CD8B2: variants seen among roughly 807,000 people sequenced by gnomAD.
CD8B2 encodes the protein T-cell surface glycoprotein CD8 beta-2 chain.
Under a neutral mutation model 23.7 loss-of-function variants are expected in CD8B2, and 11 were observed. That is an observed-to-expected ratio of 0.46 (90% CI 0.29 to 0.77). CD8B2 has a LOEUF of 0.77. Among genes scored for constraint, CD8B2 ranks in the 30% least tolerant of loss-of-function variants. The probability of loss-of-function intolerance (pLI) is 0.09; values close to 1 mark genes in which losing one functional copy is unlikely to be tolerated. For missense variants in CD8B2, 197 were observed against 270.5 expected, an observed-to-expected ratio of 0.73 and a Z score of 1.91; for synonymous variants, 90 against 109.3, an observed-to-expected ratio of 0.82 and a Z score of 1.10.
In CD8B2 at chr2:106,507,266, G is replaced by T; in HGVS notation, c.*326G>T. ...TGAGCTGGGACCTTTAGTGGTGGCCGTTTAGCCACCATCTTTGCAAGTTGC... is the reference window on the plus strand; with the variant it reads ...TGAGCTGGGACCTTTAGTGGTGGCCTTTTAGCCACCATCTTTGCAAGTTGC... On this transcript the variant is annotated 3_prime_UTR_variant, in exon 6 of 6. Coordinates refer to ENST00000643224, the MANE Select transcript of CD8B2 (RefSeq NM_001349727.2). The T allele has an allele frequency of 1.8e-6, 2 of 1,134,990 alleles. No homozygotes were observed. The highest frequency in any genetic ancestry group is 2.2e-6 in the Non-Finnish European group (2 of 924,768). 70.3% of individuals were successfully genotyped at this position (1,134,990 alleles called of 1,614,324 possible). A position where few individuals can be genotyped will look rare whatever the true frequency, so the allele number is the denominator to read the frequency against.
intron 5 of CD8B2, among the ~76,000 whole-genome samples, chr2:106,532,812 A>G (rs1421689150): frequency 2.0e-5 from 3 of 152,072 alleles, no homozygotes; most frequent in Non-Finnish European, 4.4e-5. Flanking sequence ...TCTTTACTGC[A>G]ATCTGTTTTA....
intron 2 of CD8B2, among the ~76,000 whole-genome samples, chr2:106,495,659 C>T (rs1175525099): frequency 1.3e-5 from 2 of 152,212 alleles, no homozygotes; most frequent in Non-Finnish European, 2.9e-5. Context: ...ATCCCTAGGC[C>T]CTCACCCCTT....
intron 3 of CD8B2, among the ~76,000 whole-genome samples, chr2:106,501,050 G>T (rs1031884159): frequency 1.3e-5 from 2 of 152,166 alleles, no homozygotes; most frequent in Non-Finnish European, 2.9e-5. Context: ...AGTCAGTGCC[G>T]CCTTTTAGGG....
At position 106,510,220 on chromosome 2, in the gene CD8B2, G is replaced by C. The variant is rs1198111988; in HGVS notation, c.*3280G>C. 6.6e-6 allele frequency: 1 copy of C among 152,216 alleles called. No homozygotes were observed. 9.4% of individuals were successfully genotyped at this position (152,216 alleles called of 1,614,324 possible). On this transcript the variant is annotated 3_prime_UTR_variant, in exon 6 of 6. Transcript: ENST00000643224. ...CCCTTGGTCCAGTGATGGTCATTAGGAGGGAGCATGAGGTTTGAAGGTGAG... is the reference window on the plus strand; with the variant it reads ...CCCTTGGTCCAGTGATGGTCATTAGCAGGGAGCATGAGGTTTGAAGGTGAG...
At chr2:106,536,699 C>T (rs139130189) in intron 5 of CD8B2, among the ~76,000 whole-genome samples, 150 of 152,230 alleles carry the variant, frequency 9.9e-4, no homozygotes, top group Middle Eastern at 6.8e-3. Flanking sequence ...GGTGCAGGTG[C>T]ATCTCAAAGG....
downstream of CD8B2, among the ~76,000 whole-genome samples, chr2:106,514,356 C>T (rs1306631920): frequency 6.7e-6 from 1 of 149,026 alleles, no homozygotes; most frequent in Non-Finnish European, 1.5e-5. Context: ...GGCACGATCT[C>T]AGCTCACTGC....
downstream of CD8B2, among the ~76,000 whole-genome samples, chr2:106,515,185 A>G (rs1679710385): frequency 6.6e-6 from 1 of 152,230 alleles, no homozygotes. Flanking sequence ...TTCTCCCACC[A>G]CAACCCAAGA....
intron 3 of CD8B2, among the ~76,000 whole-genome samples, chr2:106,501,157 A>C (rs1297085825): frequency 6.6e-6 from 1 of 152,136 alleles, no homozygotes; most frequent in East Asian, 1.9e-4. Context: ...CACCTTTGTA[A>C]GGAAATATAC....
intron 3 of CD8B2, among the ~76,000 whole-genome samples, chr2:106,500,581 C>T (rs1457708141): frequency 6.9e-6 from 1 of 145,958 alleles, no homozygotes; most frequent in East Asian, 1.9e-4. Flanking sequence ...ATACCAATAC[C>T]TTTCTTCCTC....
intron 2 of CD8B2, among the ~76,000 whole-genome samples, chr2:106,493,299 A>G (rs1331117906): frequency 1.3e-5 from 2 of 152,142 alleles, no homozygotes; most frequent in Non-Finnish European, 2.9e-5. Context: ...ATGGGCTCGA[A>G]GTTTTATTCC....
At chr2:106,535,581 C>T (rs1181055913) in intron 5 of CD8B2, among the ~76,000 whole-genome samples, 1 of 152,140 alleles carries the variant, frequency 6.6e-6, no homozygotes, top group Admixed American at 6.5e-5. Context: ...CACCGTAATA[C>T]AATTTTAAAA....
intron 5 of CD8B2, among the ~76,000 whole-genome samples, chr2:106,537,428 G>A (rs959326977): frequency 1.3e-5 from 2 of 151,858 alleles, no homozygotes; most frequent in Non-Finnish European, 2.9e-5. Context: ...GAAAATTATG[G>A]TTCAACGCCA....
downstream of CD8B2, among the ~76,000 whole-genome samples, chr2:106,515,042 C>T (rs1679706312): frequency 6.6e-6 from 1 of 152,130 alleles, no homozygotes; most frequent in African/African-American, 2.4e-5. Context: ...AAACAGTCTG[C>T]CTCTCCCAGT....
intron 5 of CD8B2, among the ~76,000 whole-genome samples, chr2:106,520,773 G>A (rs1384169606): frequency 6.6e-6 from 1 of 152,122 alleles, no homozygotes; most frequent in Non-Finnish European, 1.5e-5. Context: ...GGGAGGCTGA[G>A]ACAGGAGAAT....
chr2:106,528,893 T>C (rs1679952338), intron 5 of CD8B2, among the ~76,000 whole-genome samples: 2 of 152,156 alleles, frequency 1.3e-5, no homozygotes, highest in Admixed American at 6.5e-5. Context: ...TCAGGGTAGG[T>C]TGTGGCAGAG....
chr2:106,523,774 G>A (rs1679864283), intron 5 of CD8B2, among the ~76,000 whole-genome samples: 1 of 152,142 alleles, frequency 6.6e-6, no homozygotes, highest in South Asian at 2.1e-4. Context: ...GAGTAAATTT[G>A]GGGTATTTAT....
intron 5 of CD8B2, among the ~76,000 whole-genome samples, chr2:106,505,016 G>A (rs1174376350): frequency 1.3e-5 from 2 of 152,200 alleles, no homozygotes; most frequent in Admixed American, 1.3e-4. Context: ...AGCTGAGAAA[G>A]CGCCTGTACT....
rs375498176 is a variant in CD8B2 at position 106,541,084 on chromosome 2, A to G, written c.621-2908A>G. Among the ~76,000 whole-genome samples the G allele has an allele frequency of 1.8e-4, 28 of 152,190 alleles. No homozygotes were observed. The East Asian group carries it at 5.2e-3, about 28-fold the overall frequency. ...GATGTGCAAGGGCCCTGTGGTGGGC[A>G]GGCTTGGTGGGCTGGGGCAGAGGAA... On this transcript the variant is annotated intron_variant, in intron 5 of 5. Coordinates refer to the CD8B2 transcript ENST00000416057.
intron 5 of CD8B2, among the ~76,000 whole-genome samples, chr2:106,516,617 C>T (rs113482361): frequency 0.011 from 1,620 of 152,248 alleles, 18 homozygotes; most frequent in African/African-American, 0.037. Flanking sequence ...TGGTGTTTCT[C>T]TGACACCATT....
Sources: allele counts gnomAD v4.1 joint callset (sites outside exome capture counted in the v4.1 genomes callset), GRCh38; gene constraint gnomAD v4.1.1; transcripts MANE v1.5; gene names NCBI Gene and HGNC (gene_info 2026-07-23, HGNC 2026-07-21).